The following TNPO1 variants were observed in gnomAD, a reference collection of about 807,000 sequenced individuals.
TNPO1 encodes transportin-1.
In TNPO1, 8 loss-of-function variants were observed where a neutral mutation model predicts 119.5. The observed-to-expected ratio is 0.07, with a 90% CI of 0.04 to 0.12. The LOEUF is 0.12. Ranked by LOEUF, TNPO1 falls within the 10% of genes least tolerant of loss-of-function variation. The probability of loss-of-function intolerance (pLI) is 1.00; values close to 1 mark genes in which losing one functional copy is unlikely to be tolerated. For synonymous variants in TNPO1, 362 were observed against 363.0 expected (o/e 1.00, Z 0.03); for missense variants, 576 against 1,089.8 (o/e 0.53, Z 6.64).
intron 1 of TNPO1, among the ~76,000 whole-genome samples, chr5:72,820,344 A>G (rs1344821808): frequency 6.6e-6 from 1 of 152,226 alleles, no homozygotes; most frequent in East Asian, 1.9e-4. Flanking sequence ...CTCATGGTCC[A>G]TACTGCAAAT....
intron 1 of TNPO1, among the ~76,000 whole-genome samples, chr5:72,826,118 A>C (rs947112006): frequency 6.6e-6 from 1 of 152,044 alleles, no homozygotes; most frequent in African/African-American, 2.4e-5. Context: ...TGCTTGGCTC[A>C]ATGGACTTAC....
At chr5:72,820,228 A>G (rs1367749017) in intron 1 of TNPO1, among the ~76,000 whole-genome samples, 1 of 152,154 alleles carries the variant, frequency 6.6e-6, no homozygotes, top group East Asian at 1.9e-4. Context: ...TTTTGCAGTT[A>G]TAAGAAACAC....
Position 72,888,209 on chromosome 5 carries a change from A to G in TNPO1, c.1435A>G (p.Ser479Gly), listed in dbSNP as rs774795370. Residue 479 changes from serine (S) to glycine (G), a missense_variant, in exon 13 of 25, where the codon AGC becomes GGC. Ser to Gly is a moderately conservative substitution (Grantham distance 56). Transcript: ENST00000337273. ...TAGCCGCTATGCACACTGGGTGGTC[A>G]GCCAGCCGCCAGACACGTACCTGAA... ...TLSRYAHWVV[S>G]QPPDTYLKPL... 10 of 1,614,066 alleles carry G rather than the reference A, an allele frequency of 6.2e-6. No homozygotes were observed. The highest frequency in any genetic ancestry group is 3.3e-5 in the Admixed American group (2 of 60,002).
chr5:72,824,097 T>C (rs1744103335), intron 1 of TNPO1, among the ~76,000 whole-genome samples: 1 of 152,222 alleles, frequency 6.6e-6, no homozygotes, highest in African/African-American at 2.4e-5. Context: ...ATGGCTGTCT[T>C]CCTGCCTGTT....
intron 8 of TNPO1, among the ~76,000 whole-genome samples, chr5:72,876,636 G>A (rs1291605341): frequency 6.6e-6 from 1 of 151,944 alleles, no homozygotes; most frequent in Admixed American, 6.6e-5. Flanking sequence ...ATGTTTCTAA[G>A]AAGGCTTAAT....
intron 18 of TNPO1, among the ~76,000 whole-genome samples, chr5:72,894,630 C>T (rs920811519): frequency 1.3e-5 from 2 of 152,148 alleles, no homozygotes; most frequent in Non-Finnish European, 2.9e-5. Context: ...GATACTGTAC[C>T]ACTACACTCC....
At position 72,865,714 on chromosome 5, in the gene TNPO1, G is replaced by A. The variant is rs370549889; in HGVS notation, c.581G>A (p.Ser194Asn). 8 of 1,613,376 alleles carry A rather than the reference G, an allele frequency of 5.0e-6. No homozygotes were observed. The highest frequency in any genetic ancestry group is 1.6e-4 in the Middle Eastern group (1 of 6,084). ...AAATTTTTACAGTTCTTCAAGCATA[G>A]TAGTCCAAAAATAAGGTACTTATAT... is the stretch of plus-strand genomic sequence containing the variant. ...IPKFLQFFKH[S>N]SPKIRSHAVA... is the part of the protein sequence containing the mutation. The change falls in exon 6 of 25, where the codon AGT (serine) becomes AAT (asparagine). Residue 194 changes from serine (S) to asparagine (N), a missense_variant. Physicochemically the swap from Ser to Asn is conservative, Grantham distance 46. This residue lies in a region of TNPO1 where 310 missense variants were observed against 583.0 expected (regional missense o/e 0.53). Coordinates refer to ENST00000337273, the MANE Select transcript of TNPO1 (RefSeq NM_002270.4).
At chr5:72,863,141 T>G (rs1156337013) in intron 5 of TNPO1, among the ~76,000 whole-genome samples, 1 of 152,046 alleles carries the variant, frequency 6.6e-6, no homozygotes, top group East Asian at 1.9e-4. Flanking sequence ...AAGTATCTCT[T>G]TAATTAGCAG....
intron 3 of TNPO1, among the ~76,000 whole-genome samples, chr5:72,854,271 A>G (rs1205547657): frequency 2.0e-5 from 3 of 152,190 alleles, no homozygotes; most frequent in Non-Finnish European, 2.9e-5. Flanking sequence ...TTGTAATTGA[A>G]AATGGAAAGT....
intron 18 of TNPO1, among the ~76,000 whole-genome samples, chr5:72,895,597 T>C (rs988471953): frequency 1.3e-5 from 2 of 152,142 alleles, no homozygotes; most frequent in Non-Finnish European, 2.9e-5. Flanking sequence ...TCAATATTGC[T>C]GAGATCAAGA....
chr5:72,910,091 T>C lies in TNPO1; in HGVS notation c.*1418T>C, dbSNP rs1490874414. On this transcript the variant is annotated 3_prime_UTR_variant, in exon 25 of 25. Coordinates refer to ENST00000337273, the MANE Select transcript of TNPO1 (RefSeq NM_002270.4). ...GCCTTCTAAGCTTCCCTTTTTTTGT[T>C]CAAAGCATGATCTTAAAGATATGTT... 2.0e-5 allele frequency: 3 copies of C among 152,616 alleles called. No homozygotes were observed. Among genetic ancestry groups the C allele is most frequent in the Non-Finnish European group, 2.9e-5 (2 of 68,020 alleles). The allele number at this position is 152,616 out of a possible 1,614,324, so 9.5% of individuals were successfully genotyped here. A position where few individuals can be genotyped will look rare whatever the true frequency, so the allele number is the denominator to read the frequency against.
chr5:72,892,250 A>G (rs1290548637), intron 15 of TNPO1, among the ~76,000 whole-genome samples: 1 of 152,040 alleles, frequency 6.6e-6, no homozygotes, highest in Non-Finnish European at 1.5e-5. Context: ...CTTATTTTCA[A>G]ATTTGAAAAT....
intron 1 of TNPO1, among the ~76,000 whole-genome samples, chr5:72,827,005 A>G (rs1744234971): frequency 6.6e-6 from 1 of 152,114 alleles, no homozygotes; most frequent in Non-Finnish European, 1.5e-5. Context: ...TAAAGCAGTG[A>G]GAGGAAATGG....
intron 6 of TNPO1, among the ~76,000 whole-genome samples, chr5:72,868,760 TAA>T (rs1389718922): frequency 6.6e-6 from 1 of 151,736 alleles, no homozygotes; most frequent in Non-Finnish European, 1.5e-5. Flanking sequence ...TGCAGTTACT[TAA>T]AGTTTAGGCT....
At chr5:72,902,692 C>A (rs1749880642) in intron 22 of TNPO1, among the ~76,000 whole-genome samples, 1 of 151,974 alleles carries the variant, frequency 6.6e-6, no homozygotes, top group Admixed American at 6.6e-5. Flanking sequence ...AAAATTGTTA[C>A]CAACTTAAGA....
chr5:72,879,498 C>T (rs924104736), intron 9 of TNPO1, among the ~76,000 whole-genome samples: 1 of 152,136 alleles, frequency 6.6e-6, no homozygotes, highest in Admixed American at 6.5e-5. Context: ...TTAAACAACT[C>T]AAGCCAGTCA....
At chr5:72,866,423 C>T (rs1373613316) in intron 6 of TNPO1, among the ~76,000 whole-genome samples, 1 of 152,122 alleles carries the variant, frequency 6.6e-6, no homozygotes, top group Non-Finnish European at 1.5e-5. Context: ...GAAAATGTGG[C>T]AATATACATA....
chr5:72,828,622 T>A (rs1744311501), intron 1 of TNPO1, among the ~76,000 whole-genome samples: 1 of 152,194 alleles, frequency 6.6e-6, no homozygotes, highest in African/African-American at 2.4e-5. Context: ...AGAGCCAGGA[T>A]ATTATCTTAT....
rs1192445228 is a variant in TNPO1 at position 72,851,297 on chromosome 5, T to G, written c.183T>G (p.Val61=). 1 of 1,595,790 alleles carries G rather than the reference T, an allele frequency of 6.3e-7. No individual in the cohort carries two copies. Among genetic ancestry groups the G allele is most frequent in the Non-Finnish European group, 8.6e-7 (1 of 1,165,604 alleles). ...ACTTTAACAACTACTTGATTTTTGT[T>G]CTTACAAAATTAAAATCTGAAGGTA... ...YPDFNNYLIF[V]LTKLKSEDEP... The change falls in exon 3 of 25, where the codon GTT becomes GTG. Residue 61 remains valine (V), a synonymous_variant. Coordinates refer to ENST00000337273, the MANE Select transcript of TNPO1 (RefSeq NM_002270.4).
Sources: gnomAD v4.1 joint callset for allele counts (sites outside exome capture counted in the v4.1 genomes callset) on GRCh38, gnomAD v4.1.1 for gene constraint, gnomAD v4.1.1 regional missense constraint, MANE v1.5 for transcripts, NCBI Gene and HGNC (gene_info 2026-07-23, HGNC 2026-07-21) for gene names.